The following FAM184A variants were observed in gnomAD, a reference collection of about 807,000 sequenced individuals.
The protein encoded by FAM184A is protein FAM184A.
In FAM184A, 99 loss-of-function variants were observed where a neutral mutation model predicts 143.8. The observed-to-expected ratio is 0.69, with a 90% CI of 0.58 to 0.81. The LOEUF (loss-of-function observed/expected upper bound fraction) is 0.81. FAM184A is among the 40% of genes least tolerant of loss of function. The probability of loss-of-function intolerance (pLI) is 0.00; values close to 1 mark genes in which losing one functional copy is unlikely to be tolerated. For synonymous variants in FAM184A, 427 were observed against 446.4 expected (o/e 0.96, Z 0.55); for missense variants, 1,217 against 1,310.5 (o/e 0.93, Z 1.10).
At chr6:119,082,178 G>A (rs1289893484), upstream of FAM184A, among the ~76,000 whole-genome samples, 3 of 152,166 alleles carry the variant, frequency 2.0e-5, no homozygotes. Context: ...AAGGGACTAT[G>A]CCCTTCCCTT....
At chr6:119,084,379 G>T (rs1788158666) in intron 1 of FAM184A, among the ~76,000 whole-genome samples, 1 of 152,174 alleles carries the variant, frequency 6.6e-6, no homozygotes, top group African/African-American at 2.4e-5. Context: ...AACCCAGCAA[G>T]GCAGTCATTA....
In FAM184A at chr6:119,006,551, C is replaced by G; in HGVS notation, c.1711G>C (p.Gly571Arg). ...KSEQGLGSAE[G>R]LIASLQDSQE... ...GAGTCCTGAAGACTAGCAATAAGTC[C>G]TTCTGCAGAGCCAAGACCTTGTTCA... The change falls in exon 7 of 18, where the codon GGA becomes CGA. Residue 571 changes from glycine (G) to arginine (R), a missense_variant. Transcript: ENST00000338891. 3 of 1,613,936 alleles carry G rather than the reference C, an allele frequency of 1.9e-6. No individual in the cohort carries two copies. The highest frequency in any genetic ancestry group is 2.5e-6 in the Non-Finnish European group (3 of 1,179,914).
At chr6:119,127,431 C>T (rs2114870300) in intron 1 of FAM184A, among the ~76,000 whole-genome samples, 1 of 152,282 alleles carries the variant, frequency 6.6e-6, no homozygotes, top group East Asian at 1.9e-4. Context: ...GTAGCTAGGA[C>T]TGTTTTCTAC....
At chr6:119,009,024 C>T (rs188510070) in intron 6 of FAM184A, among the ~76,000 whole-genome samples, 3 of 152,136 alleles carry the variant, frequency 2.0e-5, no homozygotes, top group Non-Finnish European at 4.4e-5. Flanking sequence ...TCTGAAAGCA[C>T]ACTACCTGAA....
upstream of FAM184A, among the ~76,000 whole-genome samples, chr6:119,083,561 T>C (rs1788132861): frequency 6.6e-6 from 1 of 152,156 alleles, no homozygotes; most frequent in Non-Finnish European, 1.5e-5. Flanking sequence ...TTCTGCCAGA[T>C]ACCCTAAATC....
At chr6:119,048,814 T>C (rs1786634547) in intron 1 of FAM184A, among the ~76,000 whole-genome samples, 1 of 151,848 alleles carries the variant, frequency 6.6e-6, no homozygotes, top group Non-Finnish European at 1.5e-5. Flanking sequence ...GGTTGAAAGA[T>C]CTCCACAACA....
chr6:119,063,131 ATATT>A (rs1386858094), intron 1 of FAM184A, among the ~76,000 whole-genome samples: 1 of 152,346 alleles, frequency 6.6e-6, no homozygotes, highest in African/African-American at 2.4e-5. Flanking sequence ...GAATATTGGT[ATATT>A]TATTCATGCT....
Position 119,020,080 on chromosome 6 carries a change from G to A in FAM184A, c.1230C>T (p.Val410=). The A allele has an allele frequency of 1.9e-6, 3 of 1,609,616 alleles. No individual in the cohort carries two copies. The highest frequency in any genetic ancestry group is 2.5e-6 in the Non-Finnish European group (3 of 1,178,694). ...CTTCAAGTTGAGATAATCTCTCATT[G>A]ACTCTCGATTTTTCTGATTCTAAAT... The part of the protein sequence containing the change: ...IKDLESEKSR[V]NERLSQLEEE... Residue 410 remains valine, a synonymous_variant, in exon 4 of 18, where the codon GTC becomes GTT. Coordinates refer to ENST00000338891, the MANE Select transcript of FAM184A (RefSeq NM_024581.6).
At chr6:119,032,745 T>C (rs1479447467) in intron 1 of FAM184A, among the ~76,000 whole-genome samples, 1 of 152,176 alleles carries the variant, frequency 6.6e-6, no homozygotes, top group Non-Finnish European at 1.5e-5. Context: ...AGGCAAAAGG[T>C]AGCTTACCAA....
chr6:118,971,300 C>CA lies in FAM184A; in HGVS notation c.2915+3127dup, dbSNP rs906399613. On this transcript the variant is annotated intron_variant, in intron 14 of 17. Coordinates refer to ENST00000338891, the MANE Select transcript of FAM184A (RefSeq NM_024581.6). Reference sequence around the variant, plus strand: ...TAGATGAAAGGACTCAAAACTTAAACAAAAAATTAGTAATTCAGGTGTGGC... The same window carrying CA: ...TAGATGAAAGGACTCAAAACTTAAACAAAAAAATTAGTAATTCAGGTGTGGC... Among the ~76,000 whole-genome samples the CA allele has an allele frequency of 7.2e-5, 11 of 152,198 alleles. 1 individual carries two copies. The highest frequency in any genetic ancestry group is 2.6e-4 in the African/African-American group (11 of 41,526).
intron 1 of FAM184A, among the ~76,000 whole-genome samples, chr6:119,040,226 G>A (rs1315837844): frequency 6.6e-6 from 1 of 152,184 alleles, no homozygotes; most frequent in Non-Finnish European, 1.5e-5. Context: ...GGCAAAGACT[G>A]AAGTTGCTGT....
intron 1 of FAM184A, among the ~76,000 whole-genome samples, chr6:119,125,569 TC>T (rs1789341864): frequency 6.6e-6 from 1 of 152,220 alleles, no homozygotes; most frequent in Admixed American, 6.5e-5. Context: ...AAAGCTCATT[TC>T]TTTACATTCA....
chr6:119,066,291 A>T (rs1787449916), intron 1 of FAM184A, among the ~76,000 whole-genome samples: 1 of 152,082 alleles, frequency 6.6e-6, no homozygotes, highest in African/African-American at 2.4e-5. Context: ...TCTTGGGGAG[A>T]ACTTGTTTCC....
At chr6:119,005,827 A>T in intron 7 of FAM184A, 1 of 423,614 alleles carries the variant, frequency 2.4e-6, no homozygotes, top group Admixed American at 3.7e-5. Flanking sequence ...GTGCTTCATA[A>T]GAGTGGAAGA....
At chr6:119,102,784 CAAAAAAAAAAAAA>C (rs58686018) in intron 1 of FAM184A, among the ~76,000 whole-genome samples, 1 of 30,112 alleles carries the variant, frequency 3.3e-5, no homozygotes, top group Non-Finnish European at 6.7e-5. Context: ...GACTCCATCT[CAAAAAAAAAAAAA>C]AAAAAAAAAA....
At chr6:118,974,840 C>G (rs915284471) in intron 13 of FAM184A, among the ~76,000 whole-genome samples, 184 bp downstream of exon 13, 3 of 152,046 alleles carry the variant, frequency 2.0e-5, no homozygotes, top group Non-Finnish European at 4.4e-5. Context: ...TTACATCATT[C>G]AAGATATAAA....
chr6:119,015,688 C>T (rs9398496), intron 5 of FAM184A, among the ~76,000 whole-genome samples: 74,758 of 152,150 alleles, frequency 0.49, 19,158 homozygotes, highest in Non-Finnish European at 0.55. Flanking sequence ...TCCCATCGAC[C>T]GCCCAAGGGC....
At chr6:119,051,641 C>T (rs987619307) in intron 1 of FAM184A, among the ~76,000 whole-genome samples, 1 of 151,702 alleles carries the variant, frequency 6.6e-6, no homozygotes, top group Admixed American at 6.6e-5. Flanking sequence ...TAAATATATA[C>T]GAGTACTATG....
chr6:119,124,741 A>C (rs903259597), intron 1 of FAM184A, among the ~76,000 whole-genome samples: 2 of 108,164 alleles, frequency 1.8e-5, no homozygotes, highest in East Asian at 6.1e-4. Flanking sequence ...AAGATCAAAT[A>C]AACTATGGCC....
Sources: allele counts gnomAD v4.1 joint callset (sites outside exome capture counted in the v4.1 genomes callset), GRCh38; gene constraint gnomAD v4.1.1; transcripts MANE v1.5; gene names NCBI Gene and HGNC (gene_info 2026-07-23, HGNC 2026-07-21).